The following RHOA variants were observed in gnomAD, a reference collection of about 807,000 sequenced individuals.
RHOA encodes transforming protein RhoA.
In RHOA, 3 loss-of-function variants were observed where a neutral mutation model predicts 17.5. That is an observed-to-expected ratio of 0.17 (90% CI 0.08 to 0.44). The LOEUF (loss-of-function observed/expected upper bound fraction) is 0.44. Ranked by LOEUF, RHOA falls within the 20% of genes least tolerant of loss-of-function variation. The probability of loss-of-function intolerance (pLI) is 0.99; values close to 1 mark genes in which losing one functional copy is unlikely to be tolerated. For synonymous variants in RHOA, 98 were observed against 88.4 expected (o/e 1.11, Z -0.61); for missense variants, 56 against 242.3 (o/e 0.23, Z 5.10).
At chr3:49,411,236 G>T (rs1232450322) in intron 1 of RHOA, among the ~76,000 whole-genome samples, 1 of 151,906 alleles carries the variant, frequency 6.6e-6, no homozygotes, top group Non-Finnish European at 1.5e-5. Flanking sequence ...CAGGTGGTAT[G>T]GCCGTAGATC....
At chr3:49,365,161 T>A (rs1015479319) in intron 3 of RHOA, 12 of 151,328 alleles carry the variant, frequency 7.9e-5, no homozygotes, top group Non-Finnish European at 4.4e-5. Context: ...TTTTTTTTTT[T>A]AGATGGACTC....
At chr3:49,396,438 G>A (rs959152904) in intron 1 of RHOA, among the ~76,000 whole-genome samples, 2 of 151,974 alleles carry the variant, frequency 1.3e-5, no homozygotes, top group Non-Finnish European at 1.5e-5. Flanking sequence ...AGTTGGGCGC[G>A]GTGGCTCGCA....
intron 1 of RHOA, among the ~76,000 whole-genome samples, chr3:49,409,189 G>A (rs2048891597): frequency 6.6e-6 from 1 of 151,688 alleles, no homozygotes; most frequent in East Asian, 2.0e-4. Flanking sequence ...GAGGTCAGGA[G>A]TTCAAGACCA....
intron 1 of RHOA, chr3:49,406,839 C>T (rs1281881691): frequency 6.6e-6 from 1 of 151,880 alleles, no homozygotes; most frequent in African/African-American, 2.4e-5. Context: ...AAAAATAAAG[C>T]AAAAAAATTT....
chr3:49,380,919 C>T (rs1239235745), intron 1 of RHOA, among the ~76,000 whole-genome samples: 2 of 128,988 alleles, frequency 1.6e-5, no homozygotes, highest in African/African-American at 2.8e-5. Context: ...ATATTACATA[C>T]AGCAGTGAAT....
intron 2 of RHOA, among the ~76,000 whole-genome samples, chr3:49,369,984 T>C (rs2048125324): frequency 6.6e-6 from 1 of 151,906 alleles, no homozygotes. Flanking sequence ...GGAGAATCGC[T>C]TGAACCCAGG....
chr3:49,408,543 G>A (rs2048878415), intron 1 of RHOA, among the ~76,000 whole-genome samples: 1 of 152,098 alleles, frequency 6.6e-6, no homozygotes, highest in Admixed American at 6.6e-5. Context: ...AACATACCAA[G>A]GCCTTCACTT....
At chr3:49,398,129 G>C (rs1043240618) in intron 1 of RHOA, among the ~76,000 whole-genome samples, 4 of 152,106 alleles carry the variant, frequency 2.6e-5, no homozygotes, top group African/African-American at 9.7e-5. Flanking sequence ...GGGAGGCTGA[G>C]GTGGGCAGAT....
chr3:49,404,766 TA>T (rs2048794532), intron 1 of RHOA, among the ~76,000 whole-genome samples: 1 of 127,086 alleles, frequency 7.9e-6, no homozygotes, highest in African/African-American at 3.0e-5. Context: ...CCGTCTCTAC[TA>T]AAATACAAAA....
At chr3:49,391,988 C>A (rs1407561398) in intron 1 of RHOA, among the ~76,000 whole-genome samples, 1 of 151,830 alleles carries the variant, frequency 6.6e-6, no homozygotes, top group African/African-American at 2.4e-5. Context: ...CCACTATGTT[C>A]GGCTCATTTC....
chr3:49,400,382 A>G (rs1034765731), intron 1 of RHOA, among the ~76,000 whole-genome samples: 2 of 151,874 alleles, frequency 1.3e-5, no homozygotes, highest in African/African-American at 2.4e-5. Context: ...CCCACTACTC[A>G]TAACATTTCC....
chr3:49,378,524 C>T (rs770753608), intron 1 of RHOA, among the ~76,000 whole-genome samples: 2 of 152,004 alleles, frequency 1.3e-5, no homozygotes. Context: ...TGAGGGATTA[C>T]AGGCGTGAGC....
At position 49,367,342 on chromosome 3, in the gene RHOA, C is replaced by CAAAAAAAAAAAAAAAAAAAAAA. The variant is rs62926260; in HGVS notation, c.277+1064_277+1085dup. ...TGGGAGACAGAGCAAGACTCCCTCT[C>CAAAAAAAAAAAAAAAAAAAAAA]AAAAAAAAAAAAAAAAAAAAAAAAG... is the stretch of plus-strand genomic sequence containing the variant. On this transcript the variant is annotated intron_variant, in intron 3 of 4. Coordinates refer to ENST00000418115, the MANE Select transcript of RHOA (RefSeq NM_001664.4). Among the ~76,000 whole-genome samples, 16 of 80,498 alleles carry CAAAAAAAAAAAAAAAAAAAAAA rather than the reference C, an allele frequency of 2.0e-4. No homozygotes were observed. In the East Asian group the frequency reaches 3.3e-3, roughly 17 times the overall value. 52.8% of individuals were successfully genotyped at this position (80,498 alleles called of 152,430 possible).
chr3:49,383,540 T>G (rs1009395253), intron 1 of RHOA, among the ~76,000 whole-genome samples: 4 of 152,084 alleles, frequency 2.6e-5, no homozygotes, highest in Admixed American at 6.6e-5. Flanking sequence ...AGATGGGGAA[T>G]AAATCATTGC....
chr3:49,386,794 TC>T (rs1040893741), intron 1 of RHOA, among the ~76,000 whole-genome samples: 6 of 152,184 alleles, frequency 3.9e-5, no homozygotes, highest in African/African-American at 1.2e-4. Flanking sequence ...ATGTCTATAT[TC>T]AGTATGACCG....
Position 49,360,357 on chromosome 3 carries a change from C to T in RHOA, c.434G>A (p.Arg145Lys), listed in dbSNP as rs2107826212. 1 of 1,612,630 alleles carries T rather than the reference C, an allele frequency of 6.2e-7. No homozygotes were observed. Among genetic ancestry groups the T allele is most frequent in the Non-Finnish European group, 8.5e-7 (1 of 1,179,634 alleles). ...KQEPVKPEEG[R>K]DMANRIGAFG... ...AGCGCCAATCCTGTTTGCCATATCT[C>T]TGCCTTCTTCAGGTTTCACCGGCTC... Residue 145 changes from arginine (R) to lysine (K), a missense_variant, in exon 5 of 5, where the codon AGA (arginine) becomes AAA (lysine). Arg to Lys is a conservative substitution (Grantham distance 26). Transcript: ENST00000418115.
At chr3:49,368,711 T>C (rs960530442) in intron 2 of RHOA, among the ~76,000 whole-genome samples, 163 bp from the exon 3 acceptor site, 7 of 146,558 alleles carry the variant, frequency 4.8e-5, no homozygotes, top group East Asian at 3.9e-4. Flanking sequence ...TTTTTTCTTT[T>C]TTTTTTTTTT....
At chr3:49,400,894 A>C (rs908380387) in intron 1 of RHOA, among the ~76,000 whole-genome samples, 6 of 151,600 alleles carry the variant, frequency 4.0e-5, no homozygotes, top group Non-Finnish European at 8.8e-5. Context: ...AAATACAAAA[A>C]AATTAGCCGG....
intron 1 of RHOA, among the ~76,000 whole-genome samples, chr3:49,397,864 G>A (rs2048644405): frequency 6.6e-6 from 1 of 152,160 alleles, no homozygotes; most frequent in Non-Finnish European, 1.5e-5. Context: ...GGCAAGGAAA[G>A]GGAACAGGAG....
Sources: gnomAD v4.1 joint callset for allele counts (sites outside exome capture counted in the v4.1 genomes callset) on GRCh38, gnomAD v4.1.1 for gene constraint, MANE v1.5 for transcripts, NCBI Gene and HGNC (gene_info 2026-07-23, HGNC 2026-07-21) for gene names.